The following EVI5 variants were observed in gnomAD, a reference collection of about 807,000 sequenced individuals.
The protein encoded by EVI5 is ecotropic viral integration site 5 protein homolog.
In EVI5, 73 loss-of-function variants were observed where a neutral mutation model predicts 112.0. That is an observed-to-expected ratio of 0.65 (90% CI 0.54 to 0.79). EVI5 has a LOEUF of 0.79. EVI5 is among the 30% of genes least tolerant of loss of function. The probability of loss-of-function intolerance (pLI) is 0.00; values close to 1 mark genes in which losing one functional copy is unlikely to be tolerated. For missense variants in EVI5, 900 were observed against 968.8 expected, an observed-to-expected ratio of 0.93 and a Z score of 0.94; for synonymous variants, 305 against 319.9, an observed-to-expected ratio of 0.95 and a Z score of 0.50.
In EVI5 at chr1:92,508,937, T is replaced by C. The variant is rs199912059; in HGVS notation, c.*4719A>G. 3.9e-5 allele frequency: 6 copies of C among 152,346 alleles called. No homozygotes were observed. The South Asian group carries it at 1.2e-3, about 32-fold the overall frequency. 9.4% of individuals were successfully genotyped at this position (152,346 alleles called of 1,614,324 possible). On this transcript the variant is annotated 3_prime_UTR_variant, in exon 20 of 20. Coordinates refer to ENST00000684568, the MANE Select transcript of EVI5 (RefSeq NM_001350197.2). ...TCATAAATAGCATCCACTATACCTT[T>C]AACCAGAAATTAAACTTCAGTAGAA...
intron 9 of EVI5, among the ~76,000 whole-genome samples, chr1:92,688,517 A>G (rs1024893911): frequency 6.6e-6 from 1 of 152,222 alleles, no homozygotes; most frequent in Admixed American, 6.5e-5. Context: ...AAACTAAAGT[A>G]AGGTACCATA....
chr1:92,721,750 G>A (rs1674788505), intron 2 of EVI5, among the ~76,000 whole-genome samples: 2 of 151,966 alleles, frequency 1.3e-5, no homozygotes, highest in South Asian at 4.1e-4. Context: ...TGGTATTCTG[G>A]GGTAAATTGT....
At chr1:92,720,787 G>C (rs952906842) in intron 2 of EVI5, among the ~76,000 whole-genome samples, 1 of 152,104 alleles carries the variant, frequency 6.6e-6, no homozygotes, top group Non-Finnish European at 1.5e-5. Context: ...CTGACAAAGG[G>C]CTAATATCTA....
chr1:92,631,848 A>G (rs866673127), intron 14 of EVI5, among the ~76,000 whole-genome samples: 2 of 152,222 alleles, frequency 1.3e-5, no homozygotes, highest in Middle Eastern at 3.2e-3. Context: ...ATTTTGAGAT[A>G]CGTCCCATTG....
chr1:92,789,594 G>A (rs558659772), upstream of EVI5, among the ~76,000 whole-genome samples: 21 of 152,136 alleles, frequency 1.4e-4, no homozygotes, highest in Admixed American at 2.0e-4. Flanking sequence ...GAACCACCGC[G>A]CCTGGCCTTC....
chr1:92,722,657 T>G (rs537546323), intron 2 of EVI5, among the ~76,000 whole-genome samples: 4 of 152,154 alleles, frequency 2.6e-5, no homozygotes, highest in African/African-American at 2.4e-5. Context: ...TATTTGCTCA[T>G]AACAGCCCTC....
At chr1:92,725,001 G>C (rs1675346558) in intron 2 of EVI5, among the ~76,000 whole-genome samples, 1 of 152,092 alleles carries the variant, frequency 6.6e-6, no homozygotes, top group Non-Finnish European at 1.5e-5. Context: ...GAACTGAGGA[G>C]ATGATGAGAA....
rs112845357 is a variant in EVI5, at chr1:92,624,529, A to G, written c.1669-195T>C. Reference sequence around the variant, plus strand: ...GGGTTTCATAAAAAGACCTTTGCAGATCTTAAGTATATTTAAGATAGAATT... The same window carrying G: ...GGGTTTCATAAAAAGACCTTTGCAGGTCTTAAGTATATTTAAGATAGAATT... On this transcript the variant is annotated intron_variant, in intron 15 of 19. Coordinates refer to ENST00000684568, the MANE Select transcript of EVI5 (RefSeq NM_001350197.2). Among the ~76,000 whole-genome samples the G allele has an allele frequency of 9.2e-3, 1,398 of 151,916 alleles. 20 individuals carry two copies. Among genetic ancestry groups the G allele is most frequent in the African/African-American group, 0.032 (1,317 of 41,420 alleles).
At chr1:92,700,003 G>T (rs1225806319) in intron 5 of EVI5, among the ~76,000 whole-genome samples, 1 of 152,034 alleles carries the variant, frequency 6.6e-6, no homozygotes, top group Non-Finnish European at 1.5e-5. Context: ...ATAAGTTGAG[G>T]TAATTTGACA....
At chr1:92,640,073 A>T (rs185354717) in intron 13 of EVI5, among the ~76,000 whole-genome samples, 37 of 152,364 alleles carry the variant, frequency 2.4e-4, no homozygotes, top group Non-Finnish European at 4.7e-4. Context: ...CAGCAAACTG[A>T]AACCGGATCC....
At chr1:92,631,741 G>A (rs1657159547) in intron 14 of EVI5, among the ~76,000 whole-genome samples, 1 of 152,154 alleles carries the variant, frequency 6.6e-6, no homozygotes, top group South Asian at 2.1e-4. Flanking sequence ...GTGAGAGAGG[G>A]CATCCCTGTC....
intron 2 of EVI5, chr1:92,732,960 C>T (rs918027971): frequency 6.7e-6 from 1 of 148,814 alleles, no homozygotes; most frequent in Non-Finnish European, 1.5e-5. Flanking sequence ...CACCTGTAAT[C>T]CTGACATGTT....
At chr1:92,601,634 C>A (rs12084412) in intron 18 of EVI5, among the ~76,000 whole-genome samples, 3,713 of 152,148 alleles carry the variant, frequency 0.024, 169 homozygotes, top group African/African-American at 0.085. Context: ...TACATGATCT[C>A]ACATGTGGGA....
At chr1:92,649,527 T>G (rs1460233469) in intron 13 of EVI5, among the ~76,000 whole-genome samples, 1 of 152,228 alleles carries the variant, frequency 6.6e-6, no homozygotes, top group South Asian at 2.1e-4. Flanking sequence ...TTTTAAATCA[T>G]AAAGTTGGCT....
chr1:92,785,455 G>A (rs758151363), upstream of EVI5, among the ~76,000 whole-genome samples: 1 of 152,214 alleles, frequency 6.6e-6, no homozygotes, highest in Admixed American at 6.5e-5. Context: ...CCTGGCACGC[G>A]GTGCTGACGC....
chr1:92,552,030 G>GCT (rs2100769961), intron 19 of EVI5, among the ~76,000 whole-genome samples: 1 of 150,120 alleles, frequency 6.7e-6, no homozygotes, highest in East Asian at 2.0e-4. Context: ...TTGAAATCTA[G>GCT]CTCTACCCAT....
At chr1:92,665,819 C>A (rs917713043) in intron 11 of EVI5, 120 bp downstream of exon 11, 2 of 602,482 alleles carry the variant, frequency 3.3e-6, no homozygotes, top group Non-Finnish European at 5.8e-6. Flanking sequence ...GGTAAGCAAG[C>A]TAAGCAGTCA....
At chr1:92,709,353 T>C (rs1369773325) in intron 2 of EVI5, among the ~76,000 whole-genome samples, 2 of 152,186 alleles carry the variant, frequency 1.3e-5, no homozygotes, top group African/African-American at 4.8e-5. Context: ...TCAATTTTTA[T>C]CACTTCATCA....
intron 13 of EVI5, among the ~76,000 whole-genome samples, chr1:92,638,886 A>T (rs920373798): frequency 6.6e-5 from 10 of 152,078 alleles, no homozygotes; most frequent in African/African-American, 2.4e-4. Flanking sequence ...ATATAATATT[A>T]AAAAAATCCA....
Sources: gnomAD v4.1 joint callset for allele counts (sites outside exome capture counted in the v4.1 genomes callset) on GRCh38, gnomAD v4.1.1 for gene constraint, MANE v1.5 for transcripts, NCBI Gene and HGNC (gene_info 2026-07-23, HGNC 2026-07-21) for gene names.